The following PBRM1 variants were observed in gnomAD, a reference collection of about 807,000 sequenced individuals.
PBRM1 encodes the protein polybromo 1.
Under a neutral mutation model 194.5 loss-of-function variants are expected in PBRM1, and 27 were observed. The observed-to-expected ratio is 0.14, with a 90% CI of 0.10 to 0.19. PBRM1 has a LOEUF of 0.19. Ranked by LOEUF, PBRM1 falls within the 10% of genes least tolerant of loss-of-function variation. PBRM1 has a pLI of 1.00. For synonymous variants in PBRM1, 655 were observed against 693.2 expected, an observed-to-expected ratio of 0.94 and a Z score of 0.87; for missense variants, 1,466 against 2,077.2, an observed-to-expected ratio of 0.71 and a Z score of 5.72.
chr3:52,609,250 C>T lies in PBRM1; in HGVS notation c.2567+63G>A, dbSNP rs756189632. ...GGAAATAGTACATCAAAGCAATATT[C>T]TTTCATCTGTTTTGTATTAAATAGC... On this transcript the variant is annotated intron_variant, in intron 16 of 29. Transcript: ENST00000296302. This position sits in a 1 kb window ranked among gnomAD's most constrained non-coding sequence, Gnocchi z 4.1. 7.9e-7 allele frequency: 1 copy of T among 1,263,222 alleles called. No individual in the cohort carries two copies. The highest frequency in any genetic ancestry group is 1.4e-5 in the South Asian group (1 of 72,168). 78.3% of individuals were successfully genotyped at this position (1,263,222 alleles called of 1,614,324 possible).
At chr3:52,635,674 T>C (rs1371592606) in intron 10 of PBRM1, among the ~76,000 whole-genome samples, 1 of 152,186 alleles carries the variant, frequency 6.6e-6, no homozygotes, top group Non-Finnish European at 1.5e-5. Context: ...AAATAGAATA[T>C]TAAATAGTAA....
rs58430288 is a variant in PBRM1, at chr3:52,571,856, C to CAAAAAAAAAAAAAAAAAAAAAAAAAA, written c.3691+4659_3691+4684dup. ...GAGCAAGAGGGATACCTCATCTCCCCAAAAAAAAAAAAAAAAAAAAAAAAA... is the reference window on the plus strand; with the variant it reads ...GAGCAAGAGGGATACCTCATCTCCCCAAAAAAAAAAAAAAAAAAAAAAAAAAAAAAAAAAAAAAAAAAAAAAAAAAA... On this transcript the variant is annotated intron_variant, in intron 22 of 29. Transcript: ENST00000296302. 1.3e-4 allele frequency among the ~76,000 whole-genome samples: 5 copies of CAAAAAAAAAAAAAAAAAAAAAAAAAA among 37,090 alleles called. 2 individuals carry two copies. Among genetic ancestry groups the CAAAAAAAAAAAAAAAAAAAAAAAAAA allele is most frequent in the African/African-American group, 3.4e-4 (3 of 8,720 alleles). The allele number at this position is 37,090 out of a possible 152,430, so 24.3% of individuals were successfully genotyped here. A position where few individuals can be genotyped will look rare whatever the true frequency, so the allele number is the denominator to read the frequency against.
intron 9 of PBRM1, among the ~76,000 whole-genome samples, chr3:52,642,608 CAAAAAAAAA>C (rs201394004): frequency 1.0e-5 from 1 of 97,518 alleles, no homozygotes; most frequent in African/African-American, 3.2e-5. Context: ...AACTTCGTCT[CAAAAAAAAA>C]AAAAAAAAAA....
intron 11 of PBRM1, among the ~76,000 whole-genome samples, chr3:52,631,315 A>G (rs973762471): frequency 9.2e-5 from 14 of 152,166 alleles, no homozygotes; most frequent in African/African-American, 3.4e-4. Context: ...TATTAAAAAA[A>G]AAAAAAAATT....
intron 11 of PBRM1, 74 bp from the exon 13 acceptor site, chr3:52,629,109 C>T: frequency 1.7e-6 from 2 of 1,205,122 alleles, no homozygotes; most frequent in South Asian, 2.7e-5. Flanking sequence ...AAGTCCAATG[C>T]AAAATCTTGA....
chr3:52,662,717 T>C (rs1484105033), intron 3 of PBRM1, among the ~76,000 whole-genome samples: 2 of 151,436 alleles, frequency 1.3e-5, no homozygotes, highest in African/African-American at 4.8e-5. Context: ...TCCCAGCTAC[T>C]TGGGAGGCTG....
intron 2 of PBRM1, among the ~76,000 whole-genome samples, chr3:52,675,772 A>G (rs981651536): frequency 6.6e-6 from 1 of 152,190 alleles, no homozygotes; most frequent in African/African-American, 2.4e-5. Context: ...TGAGAAAAGC[A>G]CAGTCTTTTC....
chr3:52,548,311 G>T, intron 29 of PBRM1, 76 bp from the exon 32 acceptor site: 1 of 1,048,186 alleles, frequency 9.5e-7, no homozygotes, highest in Middle Eastern at 2.8e-4. Context: ...AAGGTCTGAC[G>T]AACTTATTAA....
At chr3:52,650,538 C>T (rs1186229835) in intron 6 of PBRM1, among the ~76,000 whole-genome samples, 2 of 152,126 alleles carry the variant, frequency 1.3e-5, no homozygotes, top group Non-Finnish European at 2.9e-5. Flanking sequence ...ACCACAGTGG[C>T]TATCAGTCTC....
intron 17 of PBRM1, among the ~76,000 whole-genome samples, chr3:52,590,371 G>T (rs73078824): frequency 0.2 from 29,930 of 151,622 alleles, 3,642 homozygotes; most frequent in East Asian, 0.3. Context: ...CAGAAGAATC[G>T]CTTAAACCTG....
chr3:52,681,913 T>C (rs1199305131), upstream of PBRM1: 2 of 166,480 alleles, frequency 1.2e-5, no homozygotes, highest in Non-Finnish European at 2.6e-5. Flanking sequence ...AACATTCAAA[T>C]AGAACTGCTA....
At chr3:52,610,100 C>T in intron 15 of PBRM1, 145 bp from the exon 18 acceptor site, 1 of 482,414 alleles carries the variant, frequency 2.1e-6, no homozygotes, top group Non-Finnish European at 3.5e-6. Flanking sequence ...AACCTGCAGA[C>T]AAAAAAGTAC....
chr3:52,635,102 T>C (rs935571758), intron 10 of PBRM1, among the ~76,000 whole-genome samples: 2 of 151,960 alleles, frequency 1.3e-5, no homozygotes, highest in Non-Finnish European at 2.9e-5. Flanking sequence ...ATTTTTGGAT[T>C]TTTCAGTAGA....
At chr3:52,604,555 T>G (rs148665045) in intron 16 of PBRM1, among the ~76,000 whole-genome samples, 74 of 152,086 alleles carry the variant, frequency 4.9e-4, no homozygotes, top group African/African-American at 1.5e-3. Context: ...TAGCCTGGCA[T>G]TGGGGTACAC....
exon 4 of PBRM1, chr3:52,662,272 T>A (rs746006175): frequency 6.2e-7 from 1 of 1,608,264 alleles, no homozygotes; most frequent in African/African-American, 1.3e-5. Context: ...TTCAGGAGAA[T>A]CTGGCTGTAT....
At chr3:52,567,565 CAAAAA>C (rs10644120) in intron 22 of PBRM1, among the ~76,000 whole-genome samples, 10 of 91,710 alleles carry the variant, frequency 1.1e-4, no homozygotes, top group South Asian at 4.3e-4. Flanking sequence ...TAGGTAATCT[CAAAAA>C]AAAAAAAAAA....
At chr3:52,652,486 A>G (rs2096524768) in intron 5 of PBRM1, among the ~76,000 whole-genome samples, 3 of 149,958 alleles carry the variant, frequency 2.0e-5, no homozygotes, top group South Asian at 4.2e-4. Flanking sequence ...CAGGAGATTG[A>G]GACCATCCTG....
rs1196193774 is a variant in PBRM1, at chr3:52,617,119, C to T, written c.1818+143G>A. The T allele has an allele frequency of 4.8e-6, 3 of 621,700 alleles. No individual in the cohort carries two copies. The East Asian group carries it at 8.6e-5, about 18-fold the overall frequency. The allele number at this position is 621,700 out of a possible 1,614,324, so 38.5% of individuals were successfully genotyped here. ...ATAATGTACTGCCTCTGATTGTAAA[C>T]AATGAAGAAAAATCAATTAACCTAG... On this transcript the variant is annotated intron_variant, in intron 14 of 29. Coordinates refer to ENST00000296302, the Ensembl canonical transcript of PBRM1.
At chr3:52,628,226 T>C (rs1180519681) in intron 12 of PBRM1, among the ~76,000 whole-genome samples, 11 of 151,896 alleles carry the variant, frequency 7.2e-5, no homozygotes, top group African/African-American at 2.7e-4. Context: ...ATCTAAATGA[T>C]GGAATATCAT....
Sources: gnomAD v4.1 joint callset for allele counts (sites outside exome capture counted in the v4.1 genomes callset) on GRCh38, gnomAD v4.1.1 for gene constraint, Gnocchi (gnomAD v3.1) non-coding constraint, MANE v1.5 for transcripts, NCBI Gene and HGNC (gene_info 2026-07-23, HGNC 2026-07-21) for gene names.